DCLK1: variants seen among roughly 807,000 people sequenced by gnomAD.
The protein encoded by DCLK1 is doublecortin like kinase 1.
In DCLK1, 16 loss-of-function variants were observed where a neutral mutation model predicts 86.2. That is an observed-to-expected ratio of 0.19 (90% confidence interval 0.13 to 0.28). The LOEUF (loss-of-function observed/expected upper bound fraction) is 0.28, where lower values mean the gene tolerates loss of function less well. Ranked by LOEUF, DCLK1 falls within the 10% of genes least tolerant of loss-of-function variation. The pLI, the probability that DCLK1 is intolerant of heterozygous loss-of-function variation, is 1.00. For synonymous variants in DCLK1, 369 were observed against 370.5 expected, an observed-to-expected ratio of 1.00 and a Z score of 0.05; for missense variants, 590 against 940.2, an observed-to-expected ratio of 0.63 and a Z score of 4.87.
chr13:35,943,006 A>C (rs1218198761), intron 4 of DCLK1, among the ~76,000 whole-genome samples: 1 of 152,312 alleles, frequency 6.6e-6, no homozygotes, highest in African/African-American at 2.4e-5. Flanking sequence ...TTTTAGGTTG[A>C]ATTTTGTTCC....
At chr13:36,125,301 C>T (rs2138219068) in intron 2 of DCLK1, among the ~76,000 whole-genome samples, 1 of 152,216 alleles carries the variant, frequency 6.6e-6, no homozygotes, top group South Asian at 2.1e-4. Flanking sequence ...ATTTTCTGGT[C>T]CTTAGACTCC....
intron 11 of DCLK1, among the ~76,000 whole-genome samples, chr13:35,814,198 A>G (rs1448693024): frequency 6.6e-6 from 1 of 152,170 alleles, no homozygotes; most frequent in African/African-American, 2.4e-5. Flanking sequence ...GCCATGTGAA[A>G]ATATAATTAA....
At chr13:35,864,336 C>T (rs138801057) in intron 5 of DCLK1, among the ~76,000 whole-genome samples, 3,765 of 124,900 alleles carry the variant, frequency 0.03, 1,027 homozygotes, top group African/African-American at 0.14. Flanking sequence ...GAGGCCGAGG[C>T]GGGCGGATCA....
At chr13:35,855,895 G>T in intron 5 of DCLK1, 1 of 1,068,318 alleles carries the variant, frequency 9.4e-7, no homozygotes, top group Non-Finnish European at 1.1e-6. Flanking sequence ...TGACTCATCT[G>T]AAAATCGAAA....
At chr13:35,784,222 G>C (rs548838508) in intron 16 of DCLK1, among the ~76,000 whole-genome samples, 190 of 152,208 alleles carry the variant, frequency 1.2e-3, no homozygotes, top group African/African-American at 4.4e-3. Flanking sequence ...AGAATCATCA[G>C]GAATCTTAGG....
intron 3 of DCLK1, among the ~76,000 whole-genome samples, chr13:36,001,895 C>A (rs1281460470): frequency 6.6e-6 from 1 of 152,060 alleles, no homozygotes; most frequent in African/African-American, 2.4e-5. Context: ...GGAAGCTTTG[C>A]TTGGTTTCTT....
At chr13:36,115,777 T>A (rs1457202936) in intron 2 of DCLK1, among the ~76,000 whole-genome samples, 1 of 151,230 alleles carries the variant, frequency 6.6e-6, no homozygotes, top group African/African-American at 2.4e-5. Flanking sequence ...GAAATTATGT[T>A]TGGATCCAAC....
At chr13:36,129,185 T>C (rs1157596318) in intron 1 of DCLK1, among the ~76,000 whole-genome samples, 1 of 152,036 alleles carries the variant, frequency 6.6e-6, no homozygotes, top group Non-Finnish European at 1.5e-5. Flanking sequence ...CCAGAAAGAG[T>C]GCACATCGAA....
chr13:35,838,092 G>GA (rs1399061408), intron 7 of DCLK1, among the ~76,000 whole-genome samples: 1 of 139,278 alleles, frequency 7.2e-6, no homozygotes, highest in Non-Finnish European at 1.6e-5. Context: ...GAAAAGAAAA[G>GA]AAAAAAAAGG....
chr13:35,946,411 G>A (rs547109321), intron 4 of DCLK1, among the ~76,000 whole-genome samples: 6 of 152,346 alleles, frequency 3.9e-5, no homozygotes, highest in Non-Finnish European at 5.9e-5. Context: ...CATCTGCAGT[G>A]TTGGAGTGAG....
At chr13:35,847,883 G>T (rs1870328950) in intron 6 of DCLK1, 1 of 985,160 alleles carries the variant, frequency 1.0e-6, no homozygotes, top group African/African-American at 1.7e-5. Context: ...AAACTGTCTA[G>T]ATTTTTCCCC....
chr13:35,946,135 C>T lies in DCLK1; in HGVS notation c.823+1223G>A, dbSNP rs545233174. Among the ~76,000 whole-genome samples, 5 of 152,216 alleles carry T rather than the reference C, an allele frequency of 3.3e-5. No homozygotes were observed. In the South Asian group the frequency reaches 1.0e-3, roughly 32 times the overall value. ...TTAGATGATCTGTCTATCTCAGCCT[C>T]CTGAACAGCTAGGACTGCAGGCGTG... On this transcript the variant is annotated intron_variant, in intron 4 of 16. Transcript: ENST00000360631.
intron 2 of DCLK1, among the ~76,000 whole-genome samples, chr13:36,117,423 A>G (rs1174837832): frequency 6.6e-6 from 1 of 152,190 alleles, no homozygotes; most frequent in African/African-American, 2.4e-5. Flanking sequence ...AGAATAATCA[A>G]AATAAAGTGG....
intron 5 of DCLK1, among the ~76,000 whole-genome samples, chr13:35,867,019 T>C (rs12428100): frequency 0.25 from 38,336 of 151,998 alleles, 4,910 homozygotes; most frequent in Admixed American, 0.33. Context: ...CACTGCCGAA[T>C]TCCTTAACCT....
intron 11 of DCLK1, among the ~76,000 whole-genome samples, chr13:35,815,427 C>T (rs2087245597): frequency 6.6e-6 from 1 of 152,134 alleles, no homozygotes; most frequent in African/African-American, 2.4e-5. Flanking sequence ...AAACGTAATT[C>T]TCAGTGTTTC....
chr13:35,853,539 A>C (rs1870813326), intron 6 of DCLK1, among the ~76,000 whole-genome samples: 1 of 152,182 alleles, frequency 6.6e-6, no homozygotes, highest in Admixed American at 6.5e-5. Flanking sequence ...CTGTGCAGAA[A>C]TCTTGAAGAG....
At chr13:36,120,504 C>CA (rs1566020523) in intron 2 of DCLK1, among the ~76,000 whole-genome samples, 1 of 152,140 alleles carries the variant, frequency 6.6e-6, no homozygotes, top group Non-Finnish European at 1.5e-5. Context: ...GAGGAGGCTA[C>CA]ACCATCTATG....
chr13:35,968,768 A>G (rs543952670), intron 3 of DCLK1, among the ~76,000 whole-genome samples: 1 of 149,502 alleles, frequency 6.7e-6, no homozygotes, highest in Non-Finnish European at 1.5e-5. Flanking sequence ...TTTCTAAGAG[A>G]AAAAAAAAAT....
At chr13:36,032,181 G>A (rs560959574) in intron 3 of DCLK1, among the ~76,000 whole-genome samples, 179 of 145,020 alleles carry the variant, frequency 1.2e-3, no homozygotes, top group African/African-American at 4.5e-3. Flanking sequence ...TTGCTCTGTC[G>A]CCTAGGCAGG....
Sources: allele counts gnomAD v4.1 joint callset (sites outside exome capture counted in the v4.1 genomes callset), GRCh38; gene constraint gnomAD v4.1.1; transcripts MANE v1.5; gene names NCBI Gene and HGNC (gene_info 2026-07-23, HGNC 2026-07-21).